PRR16: variants seen among roughly 807,000 people sequenced by gnomAD.
PRR16 encodes proline rich 16.
Under a neutral mutation model 18.2 loss-of-function variants are expected in PRR16, and 6 were observed. The observed-to-expected ratio is 0.33, with a 90% confidence interval of 0.18 to 0.65. The LOEUF (loss-of-function observed/expected upper bound fraction) is 0.65, where lower values mean the gene tolerates loss of function less well. Among genes scored for constraint, PRR16 ranks in the 30% least tolerant of loss-of-function variants. The pLI is 0.74. For synonymous variants in PRR16, 151 were observed against 147.8 expected (o/e 1.02, Z -0.16); for missense variants, 412 against 376.6 (o/e 1.09, Z -0.78).
intron 1 of PRR16, among the ~76,000 whole-genome samples, chr5:120,646,777 C>A (rs1398014549): frequency 6.6e-6 from 1 of 151,788 alleles, no homozygotes; most frequent in African/African-American, 2.4e-5. Flanking sequence ...GCAATAAATA[C>A]ATATCTAACA....
At chr5:120,733,168 CAG>C in the PRR16 span, among the ~76,000 whole-genome samples, 1 of 151,986 alleles carries the variant, frequency 6.6e-6, no homozygotes, top group African/African-American at 2.4e-5. Context: ...TTTTTTGAGA[CAG>C]AGTCTTGTTC....
At chr5:120,744,659 A>G in the PRR16 span, among the ~76,000 whole-genome samples, 13 of 152,160 alleles carry the variant, frequency 8.5e-5, no homozygotes, top group Non-Finnish European at 2.9e-5. Flanking sequence ...AGCTCATGAC[A>G]TTTCTCACCT....
chr5:120,633,656 G>A (rs1369415680), intron 1 of PRR16, among the ~76,000 whole-genome samples: 1 of 152,134 alleles, frequency 6.6e-6, no homozygotes. Flanking sequence ...AAAAGAACTA[G>A]CCTGACAGGA....
At chr5:120,568,338 A>G (rs141766091) in intron 1 of PRR16, among the ~76,000 whole-genome samples, 1 of 152,282 alleles carries the variant, frequency 6.6e-6, no homozygotes, top group East Asian at 1.9e-4. Flanking sequence ...TCCTGAGGTA[A>G]TAAGTCTGTG....
At chr5:120,729,313 C>G in the PRR16 span, among the ~76,000 whole-genome samples, 1 of 152,144 alleles carries the variant, frequency 6.6e-6, no homozygotes, top group Non-Finnish European at 1.5e-5. Context: ...AGCTGTGTGG[C>G]CATAGGTAAA....
the PRR16 span, among the ~76,000 whole-genome samples, chr5:120,791,530 C>T: frequency 6.6e-6 from 1 of 151,820 alleles, no homozygotes; most frequent in Non-Finnish European, 1.5e-5. Flanking sequence ...AAAAAGGTCA[C>T]TAATCCTAAG....
intron 1 of PRR16, among the ~76,000 whole-genome samples, chr5:120,515,923 T>C (rs549043172): frequency 6.6e-6 from 1 of 152,362 alleles, no homozygotes; most frequent in East Asian, 1.9e-4. Flanking sequence ...CAAGAATCTC[T>C]TGTTTAAGAG....
At chr5:120,716,504 A>T in the PRR16 span, among the ~76,000 whole-genome samples, 7 of 152,138 alleles carry the variant, frequency 4.6e-5, no homozygotes, top group Non-Finnish European at 1.0e-4. Flanking sequence ...CTAGCCCTTT[A>T]AAGACAAAAT....
chr5:120,534,005 T>C (rs866695907), intron 1 of PRR16, among the ~76,000 whole-genome samples: 38 of 152,284 alleles, frequency 2.5e-4, no homozygotes, highest in Middle Eastern at 3.4e-3. Context: ...GGTGCCTCCA[T>C]TAAGATGGAG....
At chr5:120,644,797 T>C (rs556807439) in intron 1 of PRR16, among the ~76,000 whole-genome samples, 8 of 152,292 alleles carry the variant, frequency 5.3e-5, no homozygotes, top group South Asian at 4.1e-4. Context: ...GTATTTGATA[T>C]GGTGAAACAG....
chr5:120,764,518 C>G, the PRR16 span, among the ~76,000 whole-genome samples: 3 of 151,724 alleles, frequency 2.0e-5, no homozygotes, highest in South Asian at 6.3e-4. Flanking sequence ...GTAGTTTTAT[C>G]GCTGTGTGTT....
At chr5:120,473,505 G>A (rs1749336946) in intron 1 of PRR16, among the ~76,000 whole-genome samples, 1 of 152,134 alleles carries the variant, frequency 6.6e-6, no homozygotes, top group African/African-American at 2.4e-5. Context: ...ACAGTGTTAT[G>A]TGCAGTATAG....
chr5:120,526,432 A>G (rs6881309), intron 1 of PRR16, among the ~76,000 whole-genome samples: 26,745 of 152,102 alleles, frequency 0.18, 3,257 homozygotes, highest in African/African-American at 0.35. Flanking sequence ...AATTTGGAAT[A>G]CATTTCTGTG....
Position 120,503,829 on chromosome 5 carries a change from C to T in PRR16, c.159+39184C>T, listed in dbSNP as rs1034559556. Among the ~76,000 whole-genome samples the T allele has an allele frequency of 2.0e-5, 3 of 150,978 alleles. No individual in the cohort carries two copies. In the South Asian group the frequency reaches 6.3e-4, roughly 32 times the overall value. On this transcript the variant is annotated intron_variant, in intron 1 of 1. Coordinates refer to ENST00000407149, the MANE Select transcript of PRR16 (RefSeq NM_001300783.2). ...AACAGTCCCCAGAGTGTGATGTTCCCCTTCCTGTGTCCATGTGTTCTCGTT... is the reference window on the plus strand; with the variant it reads ...AACAGTCCCCAGAGTGTGATGTTCCTCTTCCTGTGTCCATGTGTTCTCGTT...
chr5:120,788,619 T>C, the PRR16 span, among the ~76,000 whole-genome samples: 12 of 152,120 alleles, frequency 7.9e-5, no homozygotes, highest in Non-Finnish European at 1.5e-5. Flanking sequence ...GCAATGCTGC[T>C]GGGATTATAT....
chr5:120,534,538 T>C (rs1580696616), intron 1 of PRR16, among the ~76,000 whole-genome samples: 1 of 152,190 alleles, frequency 6.6e-6, no homozygotes, highest in South Asian at 2.1e-4. Flanking sequence ...AGATGGAATG[T>C]ATCTTTTTTG....
chr5:120,689,977 T>A (rs1175315811), downstream of PRR16, among the ~76,000 whole-genome samples: 1 of 152,106 alleles, frequency 6.6e-6, no homozygotes, highest in African/African-American at 2.4e-5. Flanking sequence ...AAAACAGAAA[T>A]TTTTCACTCT....
At chr5:120,499,462 G>A (rs1176644792) in intron 1 of PRR16, among the ~76,000 whole-genome samples, 4 of 152,032 alleles carry the variant, frequency 2.6e-5, no homozygotes, top group Non-Finnish European at 5.9e-5. Flanking sequence ...TCTCTCTGTT[G>A]TTCACATTGG....
At chr5:120,565,324 A>G (rs10478477) in intron 1 of PRR16, among the ~76,000 whole-genome samples, 31,506 of 152,014 alleles carry the variant, frequency 0.21, 3,343 homozygotes, top group Non-Finnish European at 0.21. Flanking sequence ...AAAAGAATTA[A>G]AAAACATTAA....
Sources: gnomAD v4.1 joint callset for allele counts (sites outside exome capture counted in the v4.1 genomes callset) on GRCh38, gnomAD v4.1.1 for gene constraint, MANE v1.5 for transcripts, NCBI Gene and HGNC (gene_info 2026-07-23, HGNC 2026-07-21) for gene names.